TTC28: variants seen among roughly 807,000 people sequenced by gnomAD.
TTC28 encodes tetratricopeptide repeat protein 28.
Under a neutral mutation model 198.0 loss-of-function variants are expected in TTC28, and 61 were observed. That is an observed-to-expected ratio of 0.31 (90% confidence interval 0.25 to 0.38). TTC28 has a LOEUF of 0.38. Ranked by LOEUF, TTC28 falls within the 10% of genes least tolerant of loss-of-function variation. The pLI, the probability that TTC28 is intolerant of heterozygous loss-of-function variation, is 1.00. For synonymous variants in TTC28, 1,171 were observed against 1,297.8 expected (o/e 0.90, Z 2.10); for missense variants, 2,678 against 3,164.0 (o/e 0.85, Z 3.69).
chr22:28,012,027 C>T (rs1248786318), intron 14 of TTC28, among the ~76,000 whole-genome samples: 1 of 152,200 alleles, frequency 6.6e-6, no homozygotes, highest in Non-Finnish European at 1.5e-5. Flanking sequence ...AATGGAGAGT[C>T]CAAATAACCT....
At chr22:28,228,100 A>G (rs1361732402) in intron 5 of TTC28, among the ~76,000 whole-genome samples, 1 of 152,140 alleles carries the variant, frequency 6.6e-6, no homozygotes, top group Non-Finnish European at 1.5e-5. Flanking sequence ...AAAGTGAAAT[A>G]AGGCAGACAC....
rs1264803752 is a variant in TTC28, at chr22:28,536,220, AC to A, written c.381+93331del. 3.3e-3 allele frequency among the ~76,000 whole-genome samples: 272 copies of A among 82,168 alleles called. 2 individuals are homozygous for A. Among genetic ancestry groups the A allele is most frequent in the African/African-American group, 5.7e-3 (119 of 20,792 alleles). The allele number at this position is 82,168 out of a possible 152,430, so 53.9% of individuals were successfully genotyped here. A position where few individuals can be genotyped will look rare whatever the true frequency, so the allele number is the denominator to read the frequency against. ...TCTCAAAAAAAAAAAAAAAAAAAAAACATAAAAATAATAAATTATCCCCTTT... is the reference window on the plus strand; with the variant it reads ...TCTCAAAAAAAAAAAAAAAAAAAAAAATAAAAATAATAAATTATCCCCTTT... On this transcript the variant is annotated intron_variant, in intron 2 of 22. Transcript: ENST00000397906.
At chr22:28,494,989 C>A (rs1282437189) in intron 2 of TTC28, among the ~76,000 whole-genome samples, 1 of 151,516 alleles carries the variant, frequency 6.6e-6, no homozygotes, top group Admixed American at 6.6e-5. Flanking sequence ...AAAAAACTAA[C>A]CAGAAGAATT....
At chr22:27,990,943 T>TGGGAGGGGAGAGGAGCAAGAGTC (rs1190798926) in intron 19 of TTC28, 131 bp from the exon 20 acceptor site, 174 of 902,114 alleles carry the variant, frequency 1.9e-4, no homozygotes, top group Non-Finnish European at 2.1e-4. Context: ...CGGCTCTGAC[T>TGGGAGGGGAGAGGAGCAAGAGTC]GGGAGGGGAG....
intron 2 of TTC28, among the ~76,000 whole-genome samples, chr22:28,446,813 A>T (rs2047710048): frequency 6.6e-6 from 1 of 152,236 alleles, no homozygotes; most frequent in South Asian, 2.1e-4. Flanking sequence ...TAAGGCAAAG[A>T]AATTTGGACT....
intron 2 of TTC28, among the ~76,000 whole-genome samples, chr22:28,615,638 C>T (rs915255409): frequency 6.6e-6 from 1 of 152,078 alleles, no homozygotes. Flanking sequence ...AGTTCGTGTC[C>T]TTTGCAGGGA....
intron 2 of TTC28, among the ~76,000 whole-genome samples, chr22:28,586,062 C>T (rs9625506): frequency 2.0e-5 from 3 of 151,636 alleles, no homozygotes; most frequent in Non-Finnish European, 4.4e-5. Context: ...GGTCAAATCA[C>T]GAGGTCAGGA....
intron 2 of TTC28, among the ~76,000 whole-genome samples, chr22:28,371,065 A>T (rs1569288116): frequency 6.6e-6 from 1 of 152,188 alleles, no homozygotes; most frequent in Non-Finnish European, 1.5e-5. Flanking sequence ...AACACTTAGA[A>T]ACCCAGGACA....
At chr22:28,132,170 T>C (rs1331609044) in intron 6 of TTC28, among the ~76,000 whole-genome samples, 1 of 152,224 alleles carries the variant, frequency 6.6e-6, no homozygotes, top group East Asian at 1.9e-4. Flanking sequence ...GTTGAGATCT[T>C]GGAGTCTAAT....
chr22:28,509,006 C>T (rs866117421), intron 2 of TTC28, among the ~76,000 whole-genome samples: 3 of 151,972 alleles, frequency 2.0e-5, no homozygotes, highest in South Asian at 4.2e-4. Flanking sequence ...GCCTAGCCAA[C>T]ACAGCGAAAC....
intron 2 of TTC28, among the ~76,000 whole-genome samples, chr22:28,522,318 C>T (rs1329002701): frequency 6.6e-6 from 1 of 152,040 alleles, no homozygotes; most frequent in Non-Finnish European, 1.5e-5. Flanking sequence ...GAAACCCTGT[C>T]TCTACTAAAA....
chr22:28,604,219 G>A (rs1164672031), intron 2 of TTC28, among the ~76,000 whole-genome samples: 2 of 148,178 alleles, frequency 1.3e-5, no homozygotes, highest in Non-Finnish European at 3.0e-5. Context: ...CAGATGTTAC[G>A]GTGAGCAGAG....
In TTC28 at chr22:28,087,401, A is replaced by T. The variant is rs569778817; in HGVS notation, c.3932+6679T>A. Among the ~76,000 whole-genome samples, 359 of 152,312 alleles carry T rather than the reference A, an allele frequency of 2.4e-3. 8 individuals are homozygous for T. In the East Asian group the frequency reaches 0.057, roughly 24 times the overall value. On this transcript the variant is annotated intron_variant, in intron 12 of 22. Transcript: ENST00000397906. Reference sequence around the variant, plus strand: ...TAATCCAGTATATAAACAGAACCAAAGACAAAAACCACATGATTATCTCAA... The same window carrying T: ...TAATCCAGTATATAAACAGAACCAATGACAAAAACCACATGATTATCTCAA...
chr22:28,492,925 G>C (rs1181374093), intron 2 of TTC28, among the ~76,000 whole-genome samples: 2 of 151,892 alleles, frequency 1.3e-5, no homozygotes, highest in African/African-American at 2.4e-5. Flanking sequence ...CAAAGACCAG[G>C]GGAGTCACAT....
intron 2 of TTC28, among the ~76,000 whole-genome samples, chr22:28,389,964 T>C (rs1336858754): frequency 1.3e-5 from 2 of 151,654 alleles, no homozygotes; most frequent in African/African-American, 4.8e-5. Context: ...TTTCCTGCTT[T>C]CTCTTGTGGG....
At chr22:28,375,785 C>T (rs973507971) in intron 2 of TTC28, among the ~76,000 whole-genome samples, 5 of 152,128 alleles carry the variant, frequency 3.3e-5, no homozygotes, top group African/African-American at 1.2e-4. Flanking sequence ...ATACAAATGG[C>T]TGCAGAACTG....
At chr22:28,065,171 G>C (rs1940704902) in intron 12 of TTC28, among the ~76,000 whole-genome samples, 1 of 152,032 alleles carries the variant, frequency 6.6e-6, no homozygotes, top group Non-Finnish European at 1.5e-5. Context: ...ACCATGCTAG[G>C]GTATTTCCTT....
At chr22:28,609,170 A>G (rs1267664158) in intron 2 of TTC28, among the ~76,000 whole-genome samples, 1 of 152,250 alleles carries the variant, frequency 6.6e-6, no homozygotes. Flanking sequence ...GAATTAAGGG[A>G]AAACGTGAGC....
At chr22:28,115,501 T>C (rs1206631386) in intron 6 of TTC28, among the ~76,000 whole-genome samples, 1 of 152,238 alleles carries the variant, frequency 6.6e-6, no homozygotes, top group Non-Finnish European at 1.5e-5. Flanking sequence ...TCTTAGCAGC[T>C]GCATATGAAC....
Sources: allele counts gnomAD v4.1 joint callset (sites outside exome capture counted in the v4.1 genomes callset), GRCh38; gene constraint gnomAD v4.1.1; transcripts MANE v1.5; gene names NCBI Gene and HGNC (gene_info 2026-07-23, HGNC 2026-07-21).